The following CDC14A variants were observed in gnomAD, a reference collection of about 807,000 sequenced individuals.
CDC14A encodes the protein cell division cycle 14A, also known as dual specificity protein phosphatase CDC14A.
CDC14A carries 53 observed loss-of-function variants against 74.4 expected under a neutral mutation model. That is an observed-to-expected ratio of 0.71 (90% CI 0.57 to 0.89). The LOEUF (loss-of-function observed/expected upper bound fraction) is 0.89, where lower values mean the gene tolerates loss of function less well. CDC14A is among the 40% of genes least tolerant of loss of function. CDC14A has a pLI of 0.00. For synonymous variants in CDC14A, 247 were observed against 258.4 expected (o/e 0.96, Z 0.43); for missense variants, 646 against 713.7 (o/e 0.91, Z 1.08).
intron 4 of CDC14A, among the ~76,000 whole-genome samples, chr1:100,418,269 G>A (rs1661785080): frequency 6.6e-6 from 1 of 152,104 alleles, no homozygotes; most frequent in Non-Finnish European, 1.5e-5. Context: ...GAGTCTAAAG[G>A]GTAAGGGAAA....
intron 7 of CDC14A, among the ~76,000 whole-genome samples, chr1:100,443,490 C>T (rs1456637909): frequency 6.6e-6 from 1 of 151,586 alleles, no homozygotes; most frequent in Non-Finnish European, 1.5e-5. Flanking sequence ...TGCATGCCAC[C>T]ATGTCTGGCT....
At chr1:100,516,967 C>T (rs1419069439) in intron 15 of CDC14A, among the ~76,000 whole-genome samples, 1 of 152,210 alleles carries the variant, frequency 6.6e-6, no homozygotes, top group African/African-American at 2.4e-5. Context: ...CCCTTACTAC[C>T]TCTCACCTAA....
chr1:100,423,047 T>A (rs1248806997), intron 4 of CDC14A, among the ~76,000 whole-genome samples: 1 of 152,174 alleles, frequency 6.6e-6, no homozygotes, highest in Non-Finnish European at 1.5e-5. Context: ...GGAATTAAGC[T>A]CGTTTCTGAC....
chr1:100,463,557 A>G (rs1183870754), intron 9 of CDC14A, among the ~76,000 whole-genome samples: 1 of 152,228 alleles, frequency 6.6e-6, no homozygotes, highest in Non-Finnish European at 1.5e-5. Flanking sequence ...TTTAGCAAAT[A>G]AAAATACAGG....
chr1:100,510,605 T>C (rs1347153187), intron 15 of CDC14A, among the ~76,000 whole-genome samples: 1 of 152,178 alleles, frequency 6.6e-6, no homozygotes, highest in East Asian at 1.9e-4. Context: ...TCATTTTTGC[T>C]TCCTTTTTCC....
intron 6 of CDC14A, among the ~76,000 whole-genome samples, chr1:100,440,724 A>G (rs907349522): frequency 6.6e-6 from 1 of 152,186 alleles, no homozygotes; most frequent in Non-Finnish European, 1.5e-5. Context: ...GACTATAAAT[A>G]TATTATCAGT....
intron 10 of CDC14A, among the ~76,000 whole-genome samples, chr1:100,479,920 A>G (rs1042199976): frequency 6.6e-6 from 1 of 152,240 alleles, no homozygotes; most frequent in Non-Finnish European, 1.5e-5. Context: ...GAAATTTATT[A>G]TTAAATACTC....
intron 4 of CDC14A, among the ~76,000 whole-genome samples, chr1:100,402,090 T>G (rs1049853326): frequency 2.0e-5 from 3 of 151,968 alleles, no homozygotes; most frequent in African/African-American, 7.3e-5. Context: ...TAGAAAATTT[T>G]TAATTAGAGT....
At chr1:100,354,677 T>C (rs187948959) in intron 2 of CDC14A, among the ~76,000 whole-genome samples, 76 of 152,388 alleles carry the variant, frequency 5.0e-4, no homozygotes, top group African/African-American at 1.7e-3. Flanking sequence ...CTTGGTTATG[T>C]ACTTTTATGA....
chr1:100,511,816 C>T (rs11802346), intron 15 of CDC14A, among the ~76,000 whole-genome samples: 2,510 of 152,296 alleles, frequency 0.016, 64 homozygotes, highest in African/African-American at 0.058. Flanking sequence ...CTGTCTCTTA[C>T]CTTTAATCTT....
chr1:100,407,309 G>A (rs930207413), intron 4 of CDC14A, among the ~76,000 whole-genome samples: 3 of 152,032 alleles, frequency 2.0e-5, no homozygotes, highest in South Asian at 2.1e-4. Flanking sequence ...CCATTTTCAC[G>A]ATATTGATTC....
chr1:100,412,716 ATATATAT>A (rs1276228152), intron 4 of CDC14A, among the ~76,000 whole-genome samples: 1 of 102,830 alleles, frequency 9.7e-6, no homozygotes, highest in African/African-American at 6.4e-5. Flanking sequence ...ATATATATAT[ATATATAT>A]TTTATATATA....
At chr1:100,479,211 C>T (rs1053287800) in intron 10 of CDC14A, among the ~76,000 whole-genome samples, 2 of 152,162 alleles carry the variant, frequency 1.3e-5, no homozygotes, top group African/African-American at 2.4e-5. Context: ...TTGAAAAAGT[C>T]TAACACTAAT....
chr1:100,377,655 T>G, intron 3 of CDC14A, 34 bp downstream of exon 3: 1 of 1,512,316 alleles, frequency 6.6e-7, no homozygotes, highest in Non-Finnish European at 9.2e-7. Flanking sequence ...AATTTGGAAT[T>G]AAAACATTTG....
intron 3 of CDC14A, among the ~76,000 whole-genome samples, chr1:100,384,875 A>T (rs1013873424): frequency 1.3e-5 from 2 of 152,164 alleles, no homozygotes; most frequent in African/African-American, 4.8e-5. Flanking sequence ...TTGGATAGGG[A>T]ATGCTTTTCT....
intron 3 of CDC14A, among the ~76,000 whole-genome samples, chr1:100,382,694 A>G (rs935546351): frequency 1.3e-5 from 2 of 152,176 alleles, no homozygotes; most frequent in Non-Finnish European, 2.9e-5. Flanking sequence ...GGATAATTAC[A>G]GTAATCTTGA....
At chr1:100,420,746 A>G (rs1032482974) in intron 4 of CDC14A, among the ~76,000 whole-genome samples, 10 of 152,200 alleles carry the variant, frequency 6.6e-5, no homozygotes, top group African/African-American at 2.4e-4. Flanking sequence ...GGGAAAGTGC[A>G]TGATTAACTA....
intron 7 of CDC14A, among the ~76,000 whole-genome samples, chr1:100,446,244 G>A (rs1401759562): frequency 2.0e-5 from 3 of 152,080 alleles, no homozygotes; most frequent in African/African-American, 7.2e-5. Context: ...AGTACATTTA[G>A]TAAATGATAT....
At position 100,498,987 on chromosome 1, in the gene CDC14A, G is replaced by A; in HGVS notation, c.1480G>A (p.Asp494Asn). The A allele has an allele frequency of 6.2e-7, 1 of 1,614,126 alleles. No homozygotes were observed. Among genetic ancestry groups the A allele is most frequent in the Non-Finnish European group, 8.5e-7 (1 of 1,180,030 alleles). ...AGGGAACTTGAATGCTGCAACAGAT[G>A]ATCCAGAGAACAAAAAGACCTCCTC... is the stretch of plus-strand genomic sequence containing the variant. ...SLGNLNAATD[D>N]PENKKTSSSS... is the part of the protein sequence containing the mutation. Residue 494 changes from aspartate (D) to asparagine (N), a missense_variant, in exon 15 of 16, where the codon GAT (aspartate) becomes AAT (asparagine). Transcript: ENST00000336454.
Sources: gnomAD v4.1 joint callset for allele counts (sites outside exome capture counted in the v4.1 genomes callset) on GRCh38, gnomAD v4.1.1 for gene constraint, MANE v1.5 for transcripts, NCBI Gene and HGNC (gene_info 2026-07-23, HGNC 2026-07-21) for gene names.